RAP1GAP: variants seen among roughly 807,000 people sequenced by gnomAD.
RAP1GAP encodes RAP1 GTPase activating protein.
RAP1GAP carries 35 observed loss-of-function variants against 87.2 expected under a neutral mutation model. The observed-to-expected ratio is 0.40, with a 90% CI of 0.31 to 0.53. The LOEUF is 0.53. Among genes scored for constraint, RAP1GAP ranks in the 20% least tolerant of loss-of-function variants. RAP1GAP has a pLI of 0.48. For synonymous variants in RAP1GAP, 375 were observed against 363.9 expected (o/e 1.03, Z -0.35); for missense variants, 734 against 898.9 (o/e 0.82, Z 2.35).
chr1:21,601,639 T>A, intron 20 of RAP1GAP, 45 bp downstream of exon 20: 1 of 1,453,674 alleles, frequency 6.9e-7, no homozygotes, highest in Non-Finnish European at 9.5e-7. Context: ...GAAGGACGGT[T>A]CACCACTCCC....
At chr1:21,598,667 G>A (rs1277855290) in intron 21 of RAP1GAP, among the ~76,000 whole-genome samples, 165 bp from the exon 22 acceptor site, 1 of 152,234 alleles carries the variant, frequency 6.6e-6, no homozygotes, top group Non-Finnish European at 1.5e-5. Context: ...CCACAGGAGG[G>A]CAGAGTCAGG....
intron 2 of RAP1GAP, among the ~76,000 whole-genome samples, chr1:21,628,959 C>T (rs1050730793): frequency 4.6e-5 from 7 of 151,950 alleles, no homozygotes; most frequent in African/African-American, 1.7e-4. Context: ...ACTGAGGCTC[C>T]CATGGGGACT....
At chr1:21,667,919 C>T (rs1354407640) in intron 1 of RAP1GAP, among the ~76,000 whole-genome samples, 1 of 152,196 alleles carries the variant, frequency 6.6e-6, no homozygotes, top group Non-Finnish European at 1.5e-5. Context: ...CTTACCAGAC[C>T]TTCCAGCTGC....
chr1:21,621,150 G>A (rs539383310), intron 3 of RAP1GAP, among the ~76,000 whole-genome samples: 4 of 152,270 alleles, frequency 2.6e-5, no homozygotes, highest in African/African-American at 9.6e-5. Flanking sequence ...GTGCAGGTCT[G>A]CACACCAGTA....
Position 21,601,786 on chromosome 1 carries a change from G to T in RAP1GAP, c.1550C>A (p.Pro517Gln). 1 of 1,606,848 alleles carries T rather than the reference G, an allele frequency of 6.2e-7. No individual in the cohort carries two copies. The change falls in exon 20 of 25, where the codon CCG (proline) becomes CAG (glutamine). Residue 517 changes from proline to glutamine, a missense_variant. Pro to Gln is a moderately conservative substitution (Grantham distance 76). This residue lies in a region of RAP1GAP where 249 missense variants were observed against 252.7 expected (regional missense o/e 0.99). Transcript: ENST00000374765. ...QEVQEKRESP[P>Q]AGQKTPDSGH... Reference sequence around the variant, plus strand: ...GCTGTCTGGGGTCTTCTGACCAGCCGGAGGGCTCTCCCTGCGGGGCACACG... The same window carrying T: ...GCTGTCTGGGGTCTTCTGACCAGCCTGAGGGCTCTCCCTGCGGGGCACACG...
In RAP1GAP at chr1:21,602,790, C is replaced by T. The variant is rs376567490; in HGVS notation, c.1538+14G>A. ...GGATGCAGGGGAATGGGGCACTGTC[C>T]CCCACTCACCCACCTCTTCTCCTGC... On this transcript the variant is annotated intron_variant, in intron 19 of 24. Coordinates refer to ENST00000374765, the MANE Select transcript of RAP1GAP (RefSeq NM_002885.4). 73 of 1,595,592 alleles carry T rather than the reference C, an allele frequency of 4.6e-5. No homozygotes were observed. The African/African-American group carries it at 8.3e-4, about 18-fold the overall frequency.
At chr1:21,640,095 G>A (rs1182442083) in intron 2 of RAP1GAP, among the ~76,000 whole-genome samples, 3 of 139,482 alleles carry the variant, frequency 2.2e-5, no homozygotes, top group African/African-American at 7.8e-5. Context: ...CTCATCCAGG[G>A]CTTCTTTCCT....
rs1645454369 is a variant in RAP1GAP, at chr1:21,596,996, G to A, written c.*303C>T. The A allele has an allele frequency of 6.6e-6, 1 of 152,390 alleles. No homozygotes were observed. 9.4% of individuals were successfully genotyped at this position (152,390 alleles called of 1,614,324 possible). ...TGCTCAGGGGTGATGGAGGCCCAGGGAGGGGGCAAGCCAGACCCCCAGTCC... is the reference window on the plus strand; with the variant it reads ...TGCTCAGGGGTGATGGAGGCCCAGGAAGGGGGCAAGCCAGACCCCCAGTCC... On this transcript the variant is annotated 3_prime_UTR_variant, in exon 25 of 25. Coordinates refer to ENST00000374765, the MANE Select transcript of RAP1GAP (RefSeq NM_002885.4).
At chr1:21,654,015 G>A (rs1042853033) in intron 1 of RAP1GAP, among the ~76,000 whole-genome samples, 4 of 147,426 alleles carry the variant, frequency 2.7e-5, no homozygotes, top group Non-Finnish European at 3.0e-5. Flanking sequence ...GGTTCCCACC[G>A]AAGACAAAGA....
chr1:21,623,423 A>T (rs906520312), intron 3 of RAP1GAP, among the ~76,000 whole-genome samples: 2 of 152,238 alleles, frequency 1.3e-5, no homozygotes, highest in Middle Eastern at 3.2e-3. Context: ...CACTTCCTCC[A>T]GACAGATGTT....
intron 2 of RAP1GAP, among the ~76,000 whole-genome samples, chr1:21,638,211 A>C (rs1195029930): frequency 3.3e-5 from 5 of 151,708 alleles, no homozygotes; most frequent in Admixed American, 2.0e-4. Flanking sequence ...TAATCTCAGC[A>C]CTTTGGGAGG....
At chr1:21,623,702 C>T (rs914173084) in intron 3 of RAP1GAP, among the ~76,000 whole-genome samples, 5 of 152,338 alleles carry the variant, frequency 3.3e-5, no homozygotes, top group East Asian at 1.9e-4. Context: ...GTTCCAGACA[C>T]GGTGTAGCTT....
intron 2 of RAP1GAP, among the ~76,000 whole-genome samples, chr1:21,633,062 A>G (rs192506181): frequency 5.8e-4 from 89 of 152,338 alleles, no homozygotes; most frequent in African/African-American, 2.1e-3. Context: ...CTCATCTGCA[A>G]AATGAGAGAT....
Position 21,626,298 on chromosome 1 carries a change from ACTTAC to A in RAP1GAP, c.-19+1_-19+5del. On this transcript the variant is annotated splice_donor_variant and splice_donor_5th_base_variant and intron_variant, in intron 3 of 24. Transcript: ENST00000374765. LOFTEE classifies it low-confidence loss of function (5UTR_SPLICE). ...AGGGGCCGTAGGTATGGAGGGGGACACTTACCTTAGGGTAGAGTGAAGGAGTATAG... is the reference window on the plus strand; with the variant it reads ...AGGGGCCGTAGGTATGGAGGGGGACACTTAGGGTAGAGTGAAGGAGTATAG... 1 of 1,594,264 alleles carries A rather than the reference ACTTAC, an allele frequency of 6.3e-7. No homozygotes were observed. Among genetic ancestry groups the A allele is most frequent in the Non-Finnish European group, 8.6e-7 (1 of 1,162,094 alleles).
Position 21,611,821 on chromosome 1 carries a change from G to A in RAP1GAP, c.613-5C>T. 6.2e-7 allele frequency: 1 copy of A among 1,606,662 alleles called. No individual in the cohort carries two copies. The highest frequency in any genetic ancestry group is 8.5e-7 in the Non-Finnish European group (1 of 1,173,258). ...GAAGAGTTCTTCCTCGGAGGTCTGG[G>A]GATGAGGGGCCAAGGTCATTGAGCT... On this transcript the variant is annotated splice_region_variant and splice_polypyrimidine_tract_variant and intron_variant, in intron 11 of 24. Coordinates refer to ENST00000374765, the MANE Select transcript of RAP1GAP (RefSeq NM_002885.4).
rs138930053 is a variant in RAP1GAP at position 21,618,888 on chromosome 1, C to T, written c.66+137G>A. On this transcript the variant is annotated intron_variant, in intron 5 of 24. Transcript: ENST00000374765. ...CCCTGCTAGAAGCTGTGCCTCCCCCCCTACCCCCGCACCTGGCACACTGTA... is the reference window on the plus strand; with the variant it reads ...CCCTGCTAGAAGCTGTGCCTCCCCCTCTACCCCCGCACCTGGCACACTGTA... 1.0e-4 allele frequency: 105 copies of T among 1,017,914 alleles called. No individual in the cohort carries two copies. The African/African-American group carries it at 1.3e-3, about 13-fold the overall frequency. 63.1% of individuals were successfully genotyped at this position (1,017,914 alleles called of 1,614,324 possible).
intron 2 of RAP1GAP, among the ~76,000 whole-genome samples, chr1:21,642,010 G>A (rs1008022378): frequency 1.2e-4 from 18 of 152,166 alleles, no homozygotes; most frequent in African/African-American, 3.9e-4. Flanking sequence ...CTCACTCACC[G>A]TGAGGCAGGG....
chr1:21,641,613 T>C (rs1044041529), intron 2 of RAP1GAP, among the ~76,000 whole-genome samples: 3 of 152,170 alleles, frequency 2.0e-5, no homozygotes, highest in African/African-American at 7.2e-5. Flanking sequence ...GTACCTGGCA[T>C]GTGGTAGGAA....
chr1:21,618,070 G>C (rs570833823), intron 5 of RAP1GAP, 98 bp from the exon 6 acceptor site: 2 of 1,451,516 alleles, frequency 1.4e-6, no homozygotes, highest in Middle Eastern at 1.7e-4. Context: ...CTGAGAGTGC[G>C]GATGGGGCCC....
Sources: allele counts gnomAD v4.1 joint callset (sites outside exome capture counted in the v4.1 genomes callset), GRCh38; gene constraint gnomAD v4.1.1; regional missense constraint gnomAD v4.1.1; transcripts MANE v1.5; gene names NCBI Gene and HGNC (gene_info 2026-07-23, HGNC 2026-07-21).